Variants in PTCHD4 observed in about 807,000 individuals in gnomAD.
PTCHD4 encodes patched domain-containing protein 4.
A neutral mutation model predicts 58.1 loss-of-function variants in PTCHD4; 33 were observed. The observed-to-expected ratio is 0.57, with a 90% confidence interval of 0.43 to 0.76. The LOEUF is 0.76. Ranked by LOEUF, PTCHD4 falls within the 30% of genes least tolerant of loss-of-function variation. PTCHD4 has a pLI of 0.00. For missense variants in PTCHD4, 1,058 were observed against 1,027.1 expected, an observed-to-expected ratio of 1.03 and a Z score of -0.41; for synonymous variants, 478 against 409.6, an observed-to-expected ratio of 1.17 and a Z score of -2.02.
At chr6:48,035,171 A>G (rs891267028) in intron 3 of PTCHD4, among the ~76,000 whole-genome samples, 2 of 152,138 alleles carry the variant, frequency 1.3e-5, no homozygotes, top group Admixed American at 1.3e-4. Flanking sequence ...ACATTGAAAT[A>G]TTATGATTTT....
chr6:47,919,074 T>C (rs1435876392), intron 4 of PTCHD4, among the ~76,000 whole-genome samples: 1 of 152,142 alleles, frequency 6.6e-6, no homozygotes, highest in Non-Finnish European at 1.5e-5. Flanking sequence ...AGCCCTGGAC[T>C]GCTTAAATTT....
chr6:47,953,411 T>C (rs1466966568), intron 4 of PTCHD4, among the ~76,000 whole-genome samples: 4 of 152,184 alleles, frequency 2.6e-5, no homozygotes, highest in African/African-American at 9.6e-5. Context: ...GATGTCATCT[T>C]TGTACACATC....
chr6:48,102,413 C>T (rs539060474), intron 1 of PTCHD4, among the ~76,000 whole-genome samples: 9 of 152,338 alleles, frequency 5.9e-5, no homozygotes, highest in South Asian at 4.1e-4. Flanking sequence ...TCAGCCAAAA[C>T]GTCCATTTTA....
At chr6:48,081,145 C>G (rs568238421) in intron 1 of PTCHD4, among the ~76,000 whole-genome samples, 14 of 152,236 alleles carry the variant, frequency 9.2e-5, no homozygotes, top group African/African-American at 3.4e-4. Flanking sequence ...CAAAACCCTA[C>G]CTATGAAGGT....
intron 4 of PTCHD4, among the ~76,000 whole-genome samples, chr6:47,979,668 T>C (rs1232775838): frequency 6.6e-6 from 1 of 152,110 alleles, no homozygotes; most frequent in East Asian, 1.9e-4. Context: ...CTAATATTAA[T>C]ATTCAATTAG....
At chr6:47,886,329 G>T (rs1764194593) in intron 4 of PTCHD4, among the ~76,000 whole-genome samples, 1 of 152,000 alleles carries the variant, frequency 6.6e-6, no homozygotes, top group Non-Finnish European at 1.5e-5. Context: ...GCTTTAATAA[G>T]CATGATCTGT....
At chr6:48,086,837 T>A (rs1765274965) in intron 1 of PTCHD4, among the ~76,000 whole-genome samples, 1 of 152,218 alleles carries the variant, frequency 6.6e-6, no homozygotes, top group South Asian at 2.1e-4. Context: ...TGCTATGTAT[T>A]TTTTAATCAC....
chr6:47,953,895 T>C (rs995767228), intron 4 of PTCHD4, among the ~76,000 whole-genome samples: 2 of 152,204 alleles, frequency 1.3e-5, no homozygotes, highest in Admixed American at 6.5e-5. Context: ...GCAATTTTTT[T>C]CCCCTAACAT....
intron 1 of PTCHD4, among the ~76,000 whole-genome samples, chr6:48,107,017 C>T (rs1582146417): frequency 6.6e-6 from 1 of 152,116 alleles, no homozygotes; most frequent in East Asian, 1.9e-4. Context: ...TGAAAATAGC[C>T]ATACTGCCCA....
chr6:48,098,618 C>A (rs927902412), intron 1 of PTCHD4, among the ~76,000 whole-genome samples: 3 of 152,202 alleles, frequency 2.0e-5, no homozygotes, highest in African/African-American at 7.2e-5. Flanking sequence ...GGATTACAGG[C>A]GTGGGCCACT....
chr6:48,073,385 G>T (rs182748352), intron 1 of PTCHD4, among the ~76,000 whole-genome samples: 28 of 152,276 alleles, frequency 1.8e-4, no homozygotes, highest in Admixed American at 4.6e-4. Flanking sequence ...TTTTAAATAA[G>T]ACACCTAATT....
intron 4 of PTCHD4, among the ~76,000 whole-genome samples, chr6:47,904,856 G>T (rs1764826176): frequency 6.6e-6 from 1 of 152,072 alleles, no homozygotes; most frequent in Admixed American, 6.5e-5. Context: ...ATGAAGAAAA[G>T]GCTTAGAGTT....
intron 1 of PTCHD4, among the ~76,000 whole-genome samples, chr6:48,110,674 G>A (rs1344144328): frequency 1.3e-5 from 2 of 149,752 alleles, no homozygotes; most frequent in Non-Finnish European, 1.5e-5. Context: ...CACACACAAG[G>A]TAACTGTGAA....
At position 47,997,907 on chromosome 6, in the gene PTCHD4, G is replaced by T. The variant is rs188507613; in HGVS notation, c.898+10727C>A. ...AATTTTCTTTTTTGTTAGATCACTA[G>T]GTATGATAATACTGGCTTGAAAGAT... On this transcript the variant is annotated intron_variant, in intron 4 of 4. Coordinates refer to ENST00000339488, the MANE Select transcript of PTCHD4 (RefSeq NM_001384253.1). Among the ~76,000 whole-genome samples, 16 of 152,182 alleles carry T rather than the reference G, an allele frequency of 1.1e-4. No homozygotes were observed. The East Asian group carries it at 3.1e-3, about 29-fold the overall frequency.
rs1763566783 is a variant in PTCHD4, at chr6:47,866,525, C to T, written c.*11778G>A. On this transcript the variant is annotated 3_prime_UTR_variant, in exon 5 of 5. Transcript: ENST00000339488. ...ATGGCCACTTGGTTGTTGGATTTATCTCCATTCTACTTCTGTGAACAGATG... is the reference window on the plus strand; with the variant it reads ...ATGGCCACTTGGTTGTTGGATTTATTTCCATTCTACTTCTGTGAACAGATG... Among the ~76,000 whole-genome samples, 1 of 151,802 alleles carries T rather than the reference C, an allele frequency of 6.6e-6. No homozygotes were observed. Among genetic ancestry groups the T allele is most frequent in the Admixed American group, 6.6e-5 (1 of 15,184 alleles).
chr6:48,062,655 G>A (rs112489856), intron 3 of PTCHD4, among the ~76,000 whole-genome samples: 4 of 152,162 alleles, frequency 2.6e-5, no homozygotes, highest in African/African-American at 9.6e-5. Flanking sequence ...TTCAATAAAA[G>A]AACTTATCCC....
intron 3 of PTCHD4, among the ~76,000 whole-genome samples, chr6:48,042,366 G>A (rs1421671793): frequency 6.6e-6 from 1 of 151,920 alleles, no homozygotes; most frequent in Non-Finnish European, 1.5e-5. Context: ...TGTGTCCTTG[G>A]AGAAATCACT....
At chr6:47,935,440 T>C (rs1201133042) in intron 4 of PTCHD4, among the ~76,000 whole-genome samples, 1 of 152,196 alleles carries the variant, frequency 6.6e-6, no homozygotes, top group Non-Finnish European at 1.5e-5. Flanking sequence ...TAACACCACC[T>C]GGCTCATCTT....
intron 4 of PTCHD4, among the ~76,000 whole-genome samples, chr6:47,898,624 T>C (rs773334826): frequency 6.6e-6 from 1 of 152,174 alleles, no homozygotes; most frequent in African/African-American, 2.4e-5. Flanking sequence ...CACAAAGACC[T>C]GAGCTAAGCA....
Sources: gnomAD v4.1 joint callset for allele counts (sites outside exome capture counted in the v4.1 genomes callset) on GRCh38, gnomAD v4.1.1 for gene constraint, MANE v1.5 for transcripts, NCBI Gene and HGNC (gene_info 2026-07-23, HGNC 2026-07-21) for gene names.